TMTC4: variants seen among roughly 807,000 people sequenced by gnomAD.
The protein encoded by TMTC4 is transmembrane O-mannosyltransferase targeting cadherins 4, also known as protein O-mannosyl-transferase TMTC4.
TMTC4 carries 65 observed loss-of-function variants against 86.0 expected under a neutral mutation model. The ratio of observed to expected loss-of-function variants is 0.76; its 90% CI spans 0.62 to 0.93. The LOEUF (loss-of-function observed/expected upper bound fraction) is 0.93. Among genes scored for constraint, TMTC4 ranks in the 40% least tolerant of loss-of-function variants. The pLI is 0.00. For missense variants in TMTC4, 866 were observed against 948.1 expected (o/e 0.91, Z 1.14); for synonymous variants, 379 against 382.5 (o/e 0.99, Z 0.11).
chr13:100,634,821 C>A lies in TMTC4; in HGVS notation c.1490G>T (p.Cys497Phe), dbSNP rs564954029. The A allele has an allele frequency of 8.7e-6, 14 of 1,613,932 alleles. No homozygotes were observed. The highest frequency in any genetic ancestry group is 1.2e-5 in the Non-Finnish European group (14 of 1,179,986). Residue 497 changes from cysteine to phenylalanine, a missense_variant, in exon 12 of 19, where the codon TGT (cysteine) becomes TTT (phenylalanine). Physicochemically the swap from Cys to Phe is radical, Grantham distance 205. Coordinates refer to ENST00000342624, the MANE Select transcript of TMTC4 (RefSeq NM_032813.5). ...EQLFRSALSV[C>F]PLNAKVHYNI... is the part of the protein sequence containing the mutation. ...GCTAGGTACCTTAGCATTGAGGGGA[C>A]ACACAGACAGAGCACTTCTGAAAAG... is the stretch of plus-strand genomic sequence containing the variant.
At chr13:100,674,913 A>C (rs1161989287), upstream of TMTC4, 4 of 983,530 alleles carry the variant, frequency 4.1e-6, no homozygotes, top group Non-Finnish European at 4.8e-6. Flanking sequence ...CCCCAGCACC[A>C]GTCTCGGCCC....
At chr13:100,648,582 C>A (rs1022652403) in intron 6 of TMTC4, among the ~76,000 whole-genome samples, 1 of 152,146 alleles carries the variant, frequency 6.6e-6, no homozygotes, top group African/African-American at 2.4e-5. Flanking sequence ...TGTTTGTATC[C>A]AGCTCTGTCC....
At chr13:100,612,242 G>A (rs1877705337) in intron 17 of TMTC4, among the ~76,000 whole-genome samples, 156 bp downstream of exon 17, 1 of 152,236 alleles carries the variant, frequency 6.6e-6, no homozygotes. Context: ...TGTCTTTGAA[G>A]CAACTTTTCC....
At chr13:100,628,356 C>T (rs1332556168) in intron 12 of TMTC4, among the ~76,000 whole-genome samples, 1 of 150,832 alleles carries the variant, frequency 6.6e-6, no homozygotes, top group African/African-American at 2.4e-5. Context: ...ATAATATTCC[C>T]TTGCATGAGT....
intron 1 of TMTC4, 140 bp downstream of exon 1, chr13:100,674,604 C>T (rs1187540257): frequency 3.1e-6 from 3 of 982,832 alleles, no homozygotes; most frequent in South Asian, 4.7e-5. Flanking sequence ...GGAACCAACT[C>T]CTCCAGCAGC....
At chr13:100,637,754 T>A in intron 8 of TMTC4, 52 bp from the exon 9 acceptor site, 1 of 1,595,720 alleles carries the variant, frequency 6.3e-7, no homozygotes. Context: ...CATAAAAGTG[T>A]GGCTGAGCCA....
In TMTC4 at chr13:100,632,113, C is replaced by T. The variant is rs145789042; in HGVS notation, c.1506+2692G>A. Among the ~76,000 whole-genome samples the T allele has an allele frequency of 1.0e-3, 151 of 145,882 alleles. 2 individuals are homozygous for T. The highest frequency in any genetic ancestry group is 4.5e-3 in the Admixed American group (64 of 14,140). On this transcript the variant is annotated intron_variant, in intron 12 of 18. Transcript: ENST00000342624. ...CTCTCTGTCTTTCTCCTAATACTTA[C>T]GTGCATTCCCACAAGCACACGCCCT...
At chr13:100,661,816 G>A (rs1027999840) in intron 5 of TMTC4, among the ~76,000 whole-genome samples, 1 of 152,218 alleles carries the variant, frequency 6.6e-6, no homozygotes, top group Non-Finnish European at 1.5e-5. Context: ...ACTTCAAGAA[G>A]CAACATGCAA....
Position 100,625,832 on chromosome 13 carries a change from ATTCCT to A in TMTC4, c.1642_1646del (p.Arg548Ter). On this transcript the variant is annotated frameshift_variant, in exon 14 of 19. Coordinates refer to ENST00000342624, the MANE Select transcript of TMTC4 (RefSeq NM_032813.5). LOFTEE classifies it high-confidence loss of function. ...GCAGCTCCTCAGCTTCCTGTAGCTC[ATTCCT>A]TTCTTTTAAGATATTTCCAAGATTA... 1.9e-6 allele frequency: 3 copies of A among 1,613,844 alleles called. No homozygotes were observed. Among genetic ancestry groups the A allele is most frequent in the Non-Finnish European group, 2.5e-6 (3 of 1,180,022 alleles).
chr13:100,611,702 C>T (rs1411678602), intron 17 of TMTC4, among the ~76,000 whole-genome samples: 2 of 152,218 alleles, frequency 1.3e-5, no homozygotes, highest in African/African-American at 4.8e-5. Flanking sequence ...AACAAGCTTC[C>T]TCAGTGATTC....
chr13:100,641,180 T>C (rs973025468), intron 7 of TMTC4, among the ~76,000 whole-genome samples: 3 of 152,126 alleles, frequency 2.0e-5, no homozygotes, highest in Non-Finnish European at 2.9e-5. Context: ...AAACACGTGA[T>C]TACCTGGCAC....
chr13:100,606,284 A>C, intron 18 of TMTC4, 74 bp downstream of exon 18: 1 of 1,283,614 alleles, frequency 7.8e-7, no homozygotes, highest in Admixed American at 2.0e-5. Context: ...TCCCAACATT[A>C]ATTTTATAGA....
chr13:100,658,389 G>C (rs1226079101), intron 5 of TMTC4, among the ~76,000 whole-genome samples: 1 of 152,186 alleles, frequency 6.6e-6, no homozygotes, highest in Non-Finnish European at 1.5e-5. Context: ...GAGGACATGA[G>C]AGGAGACAGG....
chr13:100,666,943 C>A (rs1369088442), intron 3 of TMTC4, among the ~76,000 whole-genome samples: 1 of 152,340 alleles, frequency 6.6e-6, no homozygotes, highest in Middle Eastern at 3.4e-3. Context: ...TGAACTATGA[C>A]TGCACCACTG....
In TMTC4 at chr13:100,633,323, A is replaced by G. The variant is rs1454589821; in HGVS notation, c.1506+1482T>C. 2.3e-3 allele frequency among the ~76,000 whole-genome samples: 162 copies of G among 70,868 alleles called. 1 individual carries two copies. Among genetic ancestry groups the G allele is most frequent in the Non-Finnish European group, 2.4e-3 (83 of 34,342 alleles). 46.5% of individuals were successfully genotyped at this position (70,868 alleles called of 152,430 possible). A position where few individuals can be genotyped will look rare whatever the true frequency, so the allele number is the denominator to read the frequency against. On this transcript the variant is annotated intron_variant, in intron 12 of 18. Transcript: ENST00000342624. ...GACTCCATCTCAGGGAAAAAAAAAAAAAAAAAAAAAAAAAAAAAAGCTAAC... is the reference window on the plus strand; with the variant it reads ...GACTCCATCTCAGGGAAAAAAAAAAGAAAAAAAAAAAAAAAAAAAGCTAAC...
At chr13:100,673,930 T>C (rs1359218076) in intron 1 of TMTC4, 1 of 658,844 alleles carries the variant, frequency 1.5e-6, no homozygotes, top group Admixed American at 6.3e-5. Context: ...TGCATTTATT[T>C]GCTCTCCCGG....
intron 5 of TMTC4, among the ~76,000 whole-genome samples, chr13:100,657,940 G>A (rs576883374): frequency 1.3e-5 from 2 of 152,254 alleles, no homozygotes; most frequent in African/African-American, 4.8e-5. Flanking sequence ...GTCAGGTGAT[G>A]GCTGGGAAAA....
At chr13:100,621,939 T>C (rs1879564115) in intron 15 of TMTC4, among the ~76,000 whole-genome samples, 2 of 152,128 alleles carry the variant, frequency 1.3e-5, no homozygotes, top group Non-Finnish European at 2.9e-5. Context: ...TTGTATGTGA[T>C]TGAATTTTGA....
At chr13:100,667,881 T>C (rs779209186) in intron 3 of TMTC4, among the ~76,000 whole-genome samples, 3 of 152,224 alleles carry the variant, frequency 2.0e-5, no homozygotes, top group Non-Finnish European at 4.4e-5. Flanking sequence ...TTGAATCTTT[T>C]TCATCTTTTC....
Sources: allele counts gnomAD v4.1 joint callset (sites outside exome capture counted in the v4.1 genomes callset), GRCh38; gene constraint gnomAD v4.1.1; transcripts MANE v1.5; gene names NCBI Gene and HGNC (gene_info 2026-07-23, HGNC 2026-07-21).